PLCL2: variants seen among roughly 807,000 people sequenced by gnomAD.
PLCL2 encodes inactive phospholipase C-like protein 2.
A neutral mutation model predicts 79.6 loss-of-function variants in PLCL2; 4 were observed. The observed-to-expected ratio is 0.05, with a 90% confidence interval of 0.02 to 0.11. The LOEUF (loss-of-function observed/expected upper bound fraction) is 0.11. Ranked by LOEUF, PLCL2 falls within the 10% of genes least tolerant of loss-of-function variation. The probability of loss-of-function intolerance (pLI) is 1.00; values close to 1 mark genes in which losing one functional copy is unlikely to be tolerated. For missense variants in PLCL2, 895 were observed against 1,291.0 expected, an observed-to-expected ratio of 0.69 and a Z score of 4.70; for synonymous variants, 484 against 457.7, an observed-to-expected ratio of 1.06 and a Z score of -0.73.
intron 3 of PLCL2, among the ~76,000 whole-genome samples, chr3:17,017,651 T>C (rs1054087347): frequency 2.0e-5 from 3 of 152,188 alleles, no homozygotes; most frequent in South Asian, 2.1e-4. Flanking sequence ...GTATAATGTA[T>C]GGAGGCGAAT....
At chr3:17,035,380 T>C (rs2064636494) in intron 3 of PLCL2, among the ~76,000 whole-genome samples, 1 of 151,530 alleles carries the variant, frequency 6.6e-6, no homozygotes, top group African/African-American at 2.4e-5. Context: ...AAGCACTCTA[T>C]AATTGTAAGG....
At chr3:17,008,396 C>T (rs1288115099) in intron 1 of PLCL2, among the ~76,000 whole-genome samples, 2 of 151,482 alleles carry the variant, frequency 1.3e-5, no homozygotes, top group African/African-American at 4.9e-5. Context: ...AGCTGTTTCT[C>T]ATCATTTGGT....
chr3:16,945,229 C>T (rs1396099666), intron 1 of PLCL2, among the ~76,000 whole-genome samples: 1 of 105,220 alleles, frequency 9.5e-6, no homozygotes, highest in Non-Finnish European at 1.8e-5. Context: ...AAATCACAGA[C>T]ACAAACACAT....
chr3:16,990,131 A>G (rs1251589445), intron 1 of PLCL2, among the ~76,000 whole-genome samples: 1 of 152,032 alleles, frequency 6.6e-6, no homozygotes, highest in Non-Finnish European at 1.5e-5. Context: ...GATGATGGTG[A>G]TGATGATAGC....
At chr3:17,007,235 C>T (rs921185772) in intron 1 of PLCL2, among the ~76,000 whole-genome samples, 4 of 152,038 alleles carry the variant, frequency 2.6e-5, no homozygotes, top group African/African-American at 9.7e-5. Flanking sequence ...AGACGGATCA[C>T]GAGGTCAGGA....
At chr3:17,076,197 C>T (rs1326697919) in intron 5 of PLCL2, among the ~76,000 whole-genome samples, 1 of 152,100 alleles carries the variant, frequency 6.6e-6, no homozygotes, top group Non-Finnish European at 1.5e-5. Context: ...TCAGTTTTGT[C>T]ATTCCAGTAA....
At chr3:16,933,535 T>G (rs760958327) in intron 1 of PLCL2, among the ~76,000 whole-genome samples, 2 of 152,204 alleles carry the variant, frequency 1.3e-5, no homozygotes, top group African/African-American at 4.8e-5. Flanking sequence ...TCCAGAGAGA[T>G]ATTTGACTCA....
intron 1 of PLCL2, among the ~76,000 whole-genome samples, chr3:16,976,381 T>C (rs1463524686): frequency 6.6e-6 from 1 of 152,202 alleles, no homozygotes; most frequent in Non-Finnish European, 1.5e-5. Flanking sequence ...ATTCAAAGGC[T>C]GGAAACTCAG....
rs976670558 is a variant in PLCL2 at position 16,971,145 on chromosome 3, T to C, written c.328-38529T>C. Among the ~76,000 whole-genome samples, 326 of 151,640 alleles carry C rather than the reference T, an allele frequency of 2.1e-3. 1 individual carries two copies. Among genetic ancestry groups the C allele is most frequent in the Non-Finnish European group, 8.4e-4 (57 of 67,832 alleles). ...GACATGAAGTCCTTGCCCATGCCTA[T>C]GTCCTGAATGGTAATGCCTAGGTTT... On this transcript the variant is annotated intron_variant, in intron 1 of 5. Coordinates refer to ENST00000615277, the MANE Select transcript of PLCL2 (RefSeq NM_001144382.2).
At chr3:17,039,345 T>C (rs572570953) in intron 3 of PLCL2, among the ~76,000 whole-genome samples, 1 of 152,324 alleles carries the variant, frequency 6.6e-6, no homozygotes, top group East Asian at 1.9e-4. Flanking sequence ...GCCTAACCTG[T>C]CCTCTAAGCC....
chr3:17,072,583 C>T lies in PLCL2; in HGVS notation c.3204+4518C>T, dbSNP rs112806112. 3.0e-3 allele frequency among the ~76,000 whole-genome samples: 452 copies of T among 150,932 alleles called. 1 individual carries two copies. The highest frequency in any genetic ancestry group is 4.6e-3 in the African/African-American group (188 of 41,036). On this transcript the variant is annotated intron_variant, in intron 5 of 5. Coordinates refer to ENST00000615277, the MANE Select transcript of PLCL2 (RefSeq NM_001144382.2). ...ACTTGGGAGGCTGAGGCAGGAGAAT[C>T]GCTTGAACCCAGGAGGCGGAGGTTG...
chr3:17,015,288 G>T (rs2064371830), intron 3 of PLCL2, among the ~76,000 whole-genome samples: 1 of 152,006 alleles, frequency 6.6e-6, no homozygotes, highest in Non-Finnish European at 1.5e-5. Context: ...ACTGGTAAAG[G>T]CAAGAAATTT....
chr3:16,941,484 G>T (rs974684401), intron 1 of PLCL2, among the ~76,000 whole-genome samples: 1 of 152,112 alleles, frequency 6.6e-6, no homozygotes, highest in Non-Finnish European at 1.5e-5. Context: ...CAGTCACGAC[G>T]CCCCTGTCTA....
intron 3 of PLCL2, among the ~76,000 whole-genome samples, chr3:17,016,910 G>A (rs1472054516): frequency 6.6e-6 from 1 of 152,204 alleles, no homozygotes; most frequent in Non-Finnish European, 1.5e-5. Context: ...TTCATGGCGA[G>A]CTTTTTAACA....
chr3:17,000,678 G>A (rs2064200030), intron 1 of PLCL2, among the ~76,000 whole-genome samples: 2 of 152,002 alleles, frequency 1.3e-5, no homozygotes, highest in Admixed American at 1.3e-4. Flanking sequence ...GAGTACATGT[G>A]ACATTCGTCT....
At position 17,070,401 on chromosome 3, in the gene PLCL2, T is replaced by C. The variant is rs534633109; in HGVS notation, c.3204+2336T>C. Among the ~76,000 whole-genome samples the C allele has an allele frequency of 2.6e-5, 4 of 152,346 alleles. No homozygotes were observed. The South Asian group carries it at 8.3e-4, about 32-fold the overall frequency. On this transcript the variant is annotated intron_variant, in intron 5 of 5. Transcript: ENST00000615277. Reference sequence around the variant, plus strand: ...ATAGATACACTGAAGAAACCTACTTTCTTTTGAATTGTGTCCAGGAGAGAG... The same window carrying C: ...ATAGATACACTGAAGAAACCTACTTCCTTTTGAATTGTGTCCAGGAGAGAG...
chr3:16,897,786 A>G (rs531791331), intron 1 of PLCL2, among the ~76,000 whole-genome samples: 35 of 152,322 alleles, frequency 2.3e-4, no homozygotes, highest in Middle Eastern at 3.4e-3. Flanking sequence ...TCCTCTTGCC[A>G]TGCTGACCTT....
chr3:16,961,507 G>C (rs923020624), intron 1 of PLCL2, among the ~76,000 whole-genome samples: 1 of 152,166 alleles, frequency 6.6e-6, no homozygotes, highest in African/African-American at 2.4e-5. Context: ...TTAATCCTGA[G>C]GGAAAGTGCT....
chr3:17,088,337 G>A (rs1297168133), intron 5 of PLCL2, among the ~76,000 whole-genome samples: 3 of 152,132 alleles, frequency 2.0e-5, no homozygotes, highest in African/African-American at 7.2e-5. Context: ...CAGAAAGAGG[G>A]AAAGGCGGAG....
Sources: gnomAD v4.1 joint callset for allele counts (sites outside exome capture counted in the v4.1 genomes callset) on GRCh38, gnomAD v4.1.1 for gene constraint, MANE v1.5 for transcripts, NCBI Gene and HGNC (gene_info 2026-07-23, HGNC 2026-07-21) for gene names.